The following PCSK6 variants were observed in gnomAD, a reference collection of about 807,000 sequenced individuals.
PCSK6 encodes proprotein convertase subtilisin/kexin type 6, also known as paired basic amino acid cleaving enzyme 4.
A neutral mutation model predicts 123.3 loss-of-function variants in PCSK6; 85 were observed. The observed-to-expected ratio is 0.69, with a 90% CI of 0.58 to 0.83. The LOEUF is 0.83. Ranked by LOEUF, PCSK6 falls within the 40% of genes least tolerant of loss-of-function variation. The pLI is 0.00. For missense variants in PCSK6, 1,191 were observed against 1,282.3 expected, an observed-to-expected ratio of 0.93 and a Z score of 1.09; for synonymous variants, 508 against 516.0, an observed-to-expected ratio of 0.98 and a Z score of 0.21.
intron 16 of PCSK6, among the ~76,000 whole-genome samples, chr15:101,325,876 G>A (rs960273930): frequency 6.6e-6 from 1 of 152,214 alleles, no homozygotes; most frequent in African/African-American, 2.4e-5. Flanking sequence ...ATCCTCCCTT[G>A]GGGTAAACTC....
At chr15:101,372,772 G>A (rs2041623680) in intron 11 of PCSK6, among the ~76,000 whole-genome samples, 1 of 152,078 alleles carries the variant, frequency 6.6e-6, no homozygotes, top group Non-Finnish European at 1.5e-5. Flanking sequence ...CAAAAACCAG[G>A]AATAACCCTA....
At chr15:101,456,936 G>A (rs2057198864) in intron 1 of PCSK6, among the ~76,000 whole-genome samples, 1 of 152,126 alleles carries the variant, frequency 6.6e-6, no homozygotes, top group African/African-American at 2.4e-5. Flanking sequence ...CAGCACTTTG[G>A]GAGGCCAAGC....
At chr15:101,313,278 C>T (rs1596168605) in intron 20 of PCSK6, 98 bp downstream of exon 20, 1 of 1,596,384 alleles carries the variant, frequency 6.3e-7, no homozygotes, top group Non-Finnish European at 8.5e-7. Context: ...TGCAACATGC[C>T]CTCCCCGGCC....
intron 1 of PCSK6, among the ~76,000 whole-genome samples, chr15:101,454,399 C>T (rs1012437499): frequency 9.2e-5 from 14 of 152,038 alleles, no homozygotes; most frequent in Non-Finnish European, 1.6e-4. Context: ...TTGAGTGGAT[C>T]GACAAAACCT....
chr15:101,409,401 C>T (rs191402328), intron 6 of PCSK6, among the ~76,000 whole-genome samples: 272 of 150,390 alleles, frequency 1.8e-3, no homozygotes, highest in African/African-American at 6.3e-3. Flanking sequence ...CTGGCTAACA[C>T]AGTGAAACCC....
chr15:101,370,517 G>T lies in PCSK6; in HGVS notation c.1539C>A (p.Ile513=), dbSNP rs1317739538. The change falls in exon 12 of 22, where the codon ATC becomes ATA. Residue 513 remains isoleucine (I), a synonymous_variant. Coordinates refer to ENST00000611716, the MANE Select transcript of PCSK6 (RefSeq NM_002570.5). ...VAASDKRPRS[I]PLVQVLRTTA... ...TAGTCCGCAGCACCTGCACTAAGGGGATGCTCCTGGGGGAGAAGGGAGGGC... is the reference window on the plus strand; with the variant it reads ...TAGTCCGCAGCACCTGCACTAAGGGTATGCTCCTGGGGGAGAAGGGAGGGC... 6 of 1,494,932 alleles carry T rather than the reference G, an allele frequency of 4.0e-6. No individual in the cohort carries two copies. In the South Asian group the frequency reaches 5.2e-5, roughly 13 times the overall value. 92.6% of individuals were successfully genotyped at this position (1,494,932 alleles called of 1,614,324 possible).
At chr15:101,347,730 A>G (rs1567155961) in intron 13 of PCSK6, 1 of 1,613,814 alleles carries the variant, frequency 6.2e-7, no homozygotes, top group East Asian at 2.2e-5. Flanking sequence ...AGATTACCAA[A>G]GCTCTTGTTC....
At chr15:101,355,240 C>T (rs1051197991) in intron 13 of PCSK6, among the ~76,000 whole-genome samples, 3 of 152,220 alleles carry the variant, frequency 2.0e-5, no homozygotes, top group African/African-American at 7.2e-5. Context: ...CATCAATTGT[C>T]TCAGACAGTC....
intron 13 of PCSK6, chr15:101,364,978 A>G: frequency 1.3e-6 from 1 of 778,598 alleles, no homozygotes; most frequent in South Asian, 1.3e-5. Flanking sequence ...ATGGAACAGA[A>G]TCGAGAGTGT....
chr15:101,389,775 G>C (rs1040761079), intron 8 of PCSK6, among the ~76,000 whole-genome samples: 1 of 152,212 alleles, frequency 6.6e-6, no homozygotes, highest in Admixed American at 6.5e-5. Flanking sequence ...AAGACAGGCA[G>C]GGGCAAGAAG....
intron 13 of PCSK6, chr15:101,347,793 C>A (rs753376083): frequency 3.7e-6 from 6 of 1,604,134 alleles, no homozygotes; most frequent in South Asian, 2.2e-5. Flanking sequence ...AAACAAGGGA[C>A]TGAAGTGAAG....
At chr15:101,377,054 G>C (rs2041767092) in intron 11 of PCSK6, among the ~76,000 whole-genome samples, 1 of 152,250 alleles carries the variant, frequency 6.6e-6, no homozygotes, top group Admixed American at 6.5e-5. Flanking sequence ...TTCCTAAAAA[G>C]ACGTCACATC....
At chr15:101,379,945 AG>A in intron 11 of PCSK6, among the ~76,000 whole-genome samples, 1 of 152,258 alleles carries the variant, frequency 6.6e-6, no homozygotes, top group Admixed American at 6.5e-5. Context: ...CTCTCTCTGG[AG>A]GCCCGTATGT....
chr15:101,484,893 C>T (rs1036819039), intron 1 of PCSK6, among the ~76,000 whole-genome samples: 1 of 152,076 alleles, frequency 6.6e-6, no homozygotes, highest in South Asian at 2.1e-4. Context: ...GGTGGGTTTT[C>T]CTTCATTTAA....
In PCSK6 at chr15:101,326,474, A is replaced by T; in HGVS notation, c.2083T>A (p.Cys695Ser). 1 of 1,576,444 alleles carries T rather than the reference A, an allele frequency of 6.3e-7. No homozygotes were observed. Among genetic ancestry groups the T allele is most frequent in the Non-Finnish European group, 8.6e-7 (1 of 1,160,524 alleles). Residue 695 changes from cysteine (C) to serine (S), a missense_variant, in exon 16 of 22, where the codon TGC becomes AGC. Transcript: ENST00000611716. ...GSANILQTSV[C>S]HPECGDKGCD... ...CCTTTGTCACCACACTCCGGATGGC[A>T]CACACCTTAAAGAAACAAGCATTGC...
At chr15:101,479,893 C>T (rs559179198) in intron 1 of PCSK6, among the ~76,000 whole-genome samples, 145 of 152,328 alleles carry the variant, frequency 9.5e-4, no homozygotes, top group Non-Finnish European at 1.5e-3. Flanking sequence ...CTGGGGTCCT[C>T]CCAGGGGGAC....
At chr15:101,333,372 C>T (rs757043799) in intron 13 of PCSK6, among the ~76,000 whole-genome samples, 2 of 152,216 alleles carry the variant, frequency 1.3e-5, no homozygotes, top group Non-Finnish European at 2.9e-5. Context: ...CTGTGAACCC[C>T]CTCAGTGGGC....
chr15:101,331,796 C>T, intron 14 of PCSK6, 56 bp downstream of exon 14: 1 of 1,606,674 alleles, frequency 6.2e-7, no homozygotes, highest in Non-Finnish European at 8.5e-7. Flanking sequence ...AAGAGCTACT[C>T]TGGACAATCA....
intron 1 of PCSK6, among the ~76,000 whole-genome samples, chr15:101,462,672 T>C (rs2141209840): frequency 6.6e-6 from 1 of 152,326 alleles, no homozygotes; most frequent in East Asian, 1.9e-4. Context: ...ACTAATCCAC[T>C]GATGATGCTG....
Sources: gnomAD v4.1 joint callset for allele counts (sites outside exome capture counted in the v4.1 genomes callset) on GRCh38, gnomAD v4.1.1 for gene constraint, MANE v1.5 for transcripts, NCBI Gene and HGNC (gene_info 2026-07-23, HGNC 2026-07-21) for gene names.